The following GRHL2 variants were observed in gnomAD, a reference collection of about 807,000 sequenced individuals.
GRHL2 encodes grainyhead like transcription factor 2.
Under a neutral mutation model 83.8 loss-of-function variants are expected in GRHL2, and 21 were observed. That is an observed-to-expected ratio of 0.25 (90% CI 0.18 to 0.36). GRHL2 has a LOEUF of 0.36. GRHL2 is among the 10% of genes least tolerant of loss of function. The pLI, the probability that GRHL2 is intolerant of heterozygous loss-of-function variation, is 1.00. For synonymous variants in GRHL2, 280 were observed against 278.9 expected (o/e 1.00, Z -0.04); for missense variants, 623 against 781.8 (o/e 0.80, Z 2.42).
In GRHL2 at chr8:101,497,617, C is replaced by G. The variant is rs573108949; in HGVS notation, c.20+4828C>G. Reference sequence around the variant, plus strand: ...CATATAAAATATCATCTGAGGCACCCTGGGTCCCAACCCAGCAGTGTTGAA... The same window carrying G: ...CATATAAAATATCATCTGAGGCACCGTGGGTCCCAACCCAGCAGTGTTGAA... On this transcript the variant is annotated intron_variant, in intron 1 of 15. Coordinates refer to ENST00000646743, the MANE Select transcript of GRHL2 (RefSeq NM_024915.4). Among the ~76,000 whole-genome samples the G allele has an allele frequency of 2.0e-5, 3 of 152,332 alleles. No homozygotes were observed. The South Asian group carries it at 6.2e-4, about 32-fold the overall frequency.
chr8:101,562,378 A>G, intron 4 of GRHL2: 1 of 659,816 alleles, frequency 1.5e-6, no homozygotes, highest in Non-Finnish European at 2.5e-6. Context: ...TAAAGTTTTT[A>G]TGACATTTAG....
chr8:101,659,565 T>C (rs77434284), intron 14 of GRHL2, among the ~76,000 whole-genome samples: 3,952 of 152,282 alleles, frequency 0.026, 141 homozygotes, highest in African/African-American at 0.076. Context: ...GAATTGGCTA[T>C]GTCTGGGGTT....
At chr8:101,653,847 T>C (rs77144581) in intron 14 of GRHL2, among the ~76,000 whole-genome samples, 2,217 of 152,258 alleles carry the variant, frequency 0.015, 60 homozygotes, top group African/African-American at 0.051. Flanking sequence ...ATAACAAGCT[T>C]CCTGGTTGAA....
At chr8:101,642,987 G>A (rs1813432361) in intron 12 of GRHL2, among the ~76,000 whole-genome samples, 1 of 152,130 alleles carries the variant, frequency 6.6e-6, no homozygotes, top group Non-Finnish European at 1.5e-5. Context: ...CAAATTGTAA[G>A]GCAGGGATTT....
intron 1 of GRHL2, among the ~76,000 whole-genome samples, chr8:101,514,897 C>T (rs1810537606): frequency 6.6e-6 from 1 of 151,898 alleles, no homozygotes; most frequent in Non-Finnish European, 1.5e-5. Context: ...TGTCCTTCCC[C>T]CTTTCTTCTC....
chr8:101,553,187 G>T (rs1811420480), intron 3 of GRHL2, among the ~76,000 whole-genome samples: 1 of 152,226 alleles, frequency 6.6e-6, no homozygotes, highest in African/African-American at 2.4e-5. Context: ...AGGAGGTTGG[G>T]CTCTTTCTCA....
At chr8:101,674,264 C>T (rs1434180782), downstream of GRHL2, among the ~76,000 whole-genome samples, 2 of 152,004 alleles carry the variant, frequency 1.3e-5, no homozygotes, top group Non-Finnish European at 2.9e-5. Context: ...TTAATGAATC[C>T]AGGAGCTGGT....
At chr8:101,552,931 C>G in intron 3 of GRHL2, 149 bp downstream of exon 3, 1 of 783,638 alleles carries the variant, frequency 1.3e-6, no homozygotes, top group Non-Finnish European at 2.1e-6. Flanking sequence ...TGCTAGATCT[C>G]TCAATGAGGA....
intron 14 of GRHL2, 47 bp downstream of exon 14, chr8:101,649,546 C>T: frequency 7.1e-7 from 1 of 1,415,178 alleles, no homozygotes; most frequent in Non-Finnish European, 1.0e-6. Context: ...GCTGTGTTCT[C>T]TCTCCTCTGG....
intron 2 of GRHL2, among the ~76,000 whole-genome samples, chr8:101,552,439 G>C (rs530297093): frequency 6.6e-6 from 1 of 152,366 alleles, no homozygotes; most frequent in African/African-American, 2.4e-5. Context: ...GAGCGCATGA[G>C]AGGTGCTCGG....
intron 5 of GRHL2, 45 bp downstream of exon 5, chr8:101,570,439 A>T: frequency 6.9e-7 from 1 of 1,453,818 alleles, no homozygotes; most frequent in Non-Finnish European, 9.7e-7. Context: ...TTAACTGATA[A>T]ACCTTTAAAT....
At chr8:101,593,582 A>G (rs775928948) in intron 7 of GRHL2, among the ~76,000 whole-genome samples, 7 of 152,238 alleles carry the variant, frequency 4.6e-5, no homozygotes, top group Non-Finnish European at 7.3e-5. Context: ...TTCTAATCAC[A>G]GGAAGGAATC....
chr8:101,560,766 T>A (rs1811591926), intron 4 of GRHL2, among the ~76,000 whole-genome samples: 1 of 152,240 alleles, frequency 6.6e-6, no homozygotes, highest in African/African-American at 2.4e-5. Flanking sequence ...TTGAACATCA[T>A]TTCATGTACT....
Position 101,666,567 on chromosome 8 carries a change from A to AC in GRHL2, c.1764-18dup, listed in dbSNP as rs748946912. On this transcript the variant is annotated intron_variant, in intron 15 of 15. Transcript: ENST00000646743. ...TGTTCACGGCGTCTTTGTTTTTCACACCCCTCCCCCCTCCATGGCAGCATC... is the reference window on the plus strand; with the variant it reads ...TGTTCACGGCGTCTTTGTTTTTCACACCCCCTCCCCCCTCCATGGCAGCATC... The AC allele has an allele frequency of 2.1e-6, 3 of 1,446,826 alleles. No individual in the cohort carries two copies. In the Admixed American group the frequency reaches 5.0e-5, roughly 24 times the overall value. The allele number at this position is 1,446,826 out of a possible 1,614,324, so 89.6% of individuals were successfully genotyped here.
intron 7 of GRHL2, among the ~76,000 whole-genome samples, chr8:101,579,290 T>G (rs759522144): frequency 2.6e-5 from 4 of 152,222 alleles, no homozygotes; most frequent in Non-Finnish European, 4.4e-5. Flanking sequence ...TAAAAGCATT[T>G]TACTGGCATA....
chr8:101,634,300 T>A (rs1813242423), intron 11 of GRHL2, among the ~76,000 whole-genome samples: 1 of 152,136 alleles, frequency 6.6e-6, no homozygotes, highest in Non-Finnish European at 1.5e-5. Flanking sequence ...GAACAACCTG[T>A]GACTATCCTG....
At chr8:101,605,985 T>G (rs1184935236) in intron 8 of GRHL2, among the ~76,000 whole-genome samples, 1 of 152,216 alleles carries the variant, frequency 6.6e-6, no homozygotes, top group Non-Finnish European at 1.5e-5. Context: ...GTATATTTTT[T>G]CTGTTATGAA....
intron 9 of GRHL2, among the ~76,000 whole-genome samples, chr8:101,627,869 G>C (rs1230780153): frequency 6.6e-6 from 1 of 152,122 alleles, no homozygotes; most frequent in African/African-American, 2.4e-5. Flanking sequence ...TTAGGCCAAA[G>C]CCTAATCCAG....
intron 3 of GRHL2, among the ~76,000 whole-genome samples, chr8:101,557,581 C>T (rs1811514615): frequency 6.6e-6 from 1 of 152,128 alleles, no homozygotes; most frequent in Non-Finnish European, 1.5e-5. Flanking sequence ...TCAAAATTCC[C>T]ATTGCCTGAT....
Sources: allele counts gnomAD v4.1 joint callset (sites outside exome capture counted in the v4.1 genomes callset), GRCh38; gene constraint gnomAD v4.1.1; transcripts MANE v1.5; gene names NCBI Gene and HGNC (gene_info 2026-07-23, HGNC 2026-07-21).